Variants in DNAJB14 observed in about 807,000 individuals in gnomAD.
The protein encoded by DNAJB14 is DnaJ heat shock protein family (Hsp40) member B14.
DNAJB14 carries 22 observed loss-of-function variants against 48.4 expected under a neutral mutation model. That is an observed-to-expected ratio of 0.45 (90% CI 0.32 to 0.65). The LOEUF (loss-of-function observed/expected upper bound fraction) is 0.65, where lower values mean the gene tolerates loss of function less well. Ranked by LOEUF, DNAJB14 falls within the 30% of genes least tolerant of loss-of-function variation. DNAJB14 has a pLI of 0.03. For synonymous variants in DNAJB14, 142 were observed against 158.7 expected (o/e 0.89, Z 0.79); for missense variants, 319 against 458.8 (o/e 0.70, Z 2.78).
rs1415099398 is a variant in DNAJB14, at chr4:99,900,491, A to G, written c.*537T>C. On this transcript the variant is annotated 3_prime_UTR_variant, in exon 8 of 8. Transcript: ENST00000442697. ...TAAGCTGATAATACTATAAGATTTT[A>G]CACAAAGTTAAAGTTTTTGTTTTTT... 6.6e-6 allele frequency: 1 copy of G among 152,122 alleles called. No individual in the cohort carries two copies. Among genetic ancestry groups the G allele is most frequent in the African/African-American group, 2.4e-5 (1 of 41,446 alleles). The allele number at this position is 152,122 out of a possible 1,614,324, so 9.4% of individuals were successfully genotyped here. A position where few individuals can be genotyped will look rare whatever the true frequency, so the allele number is the denominator to read the frequency against.
intron 1 of DNAJB14, among the ~76,000 whole-genome samples, chr4:99,935,003 C>G (rs1289826473): frequency 6.7e-6 from 1 of 149,536 alleles, no homozygotes; most frequent in Admixed American, 6.6e-5. Context: ...TTTAAAAAGT[C>G]AAAAAGACAA....
intron 1 of DNAJB14, among the ~76,000 whole-genome samples, chr4:99,944,869 G>A (rs1434008944): frequency 1.3e-5 from 2 of 152,058 alleles, no homozygotes; most frequent in Non-Finnish European, 2.9e-5. Flanking sequence ...GAGCCACCGC[G>A]CCCAGCCTAA....
At chr4:99,917,891 T>C (rs1725912152) in intron 3 of DNAJB14, among the ~76,000 whole-genome samples, 1 of 152,178 alleles carries the variant, frequency 6.6e-6, no homozygotes, top group Non-Finnish European at 1.5e-5. Flanking sequence ...ATTTCTCTTT[T>C]GCTGTTTTCA....
At chr4:99,912,523 T>C (rs1725700615) in intron 3 of DNAJB14, among the ~76,000 whole-genome samples, 1 of 152,062 alleles carries the variant, frequency 6.6e-6, no homozygotes, top group Non-Finnish European at 1.5e-5. Context: ...CTTGTTGTCC[T>C]GGCTGGAGCG....
At chr4:99,932,443 A>AC (rs1726510765) in intron 1 of DNAJB14, among the ~76,000 whole-genome samples, 1 of 152,158 alleles carries the variant, frequency 6.6e-6, no homozygotes, top group Non-Finnish European at 1.5e-5. Flanking sequence ...TAGGGAAATA[A>AC]AAATCAAAAC....
intron 2 of DNAJB14, chr4:99,924,690 T>C: frequency 1.3e-6 from 2 of 1,595,884 alleles, no homozygotes. Context: ...TAGAGACTCA[T>C]TCTCCTAGAA....
At chr4:99,906,331 A>G (rs1327959702) in intron 5 of DNAJB14, among the ~76,000 whole-genome samples, 186 bp downstream of exon 5, 3 of 152,116 alleles carry the variant, frequency 2.0e-5, no homozygotes, top group Non-Finnish European at 4.4e-5. Flanking sequence ...ATACTATCCA[A>G]CCACCCCTGG....
At position 99,899,948 on chromosome 4, in the gene DNAJB14, A is replaced by G. The variant is rs1195692421; in HGVS notation, c.*1080T>C. On this transcript the variant is annotated 3_prime_UTR_variant, in exon 8 of 8. Coordinates refer to ENST00000442697, the MANE Select transcript of DNAJB14 (RefSeq NM_001031723.4). ...AAGTTACTATTCTACGTGCTGCTCTATTTCTGCTCACACTTGCATGTGGCC... is the reference window on the plus strand; with the variant it reads ...AAGTTACTATTCTACGTGCTGCTCTGTTTCTGCTCACACTTGCATGTGGCC... 6.6e-6 allele frequency: 1 copy of G among 152,402 alleles called. No individual in the cohort carries two copies. Among genetic ancestry groups the G allele is most frequent in the African/African-American group, 2.4e-5 (1 of 41,430 alleles). 9.4% of individuals were successfully genotyped at this position (152,402 alleles called of 1,614,324 possible). A position where few individuals can be genotyped will look rare whatever the true frequency, so the allele number is the denominator to read the frequency against.
chr4:99,915,658 C>T lies in DNAJB14; in HGVS notation c.452-6762G>A, dbSNP rs552773410. Among the ~76,000 whole-genome samples the T allele has an allele frequency of 2.0e-5, 3 of 152,272 alleles. No individual in the cohort carries two copies. The South Asian group carries it at 6.2e-4, about 32-fold the overall frequency. On this transcript the variant is annotated intron_variant, in intron 3 of 7. Transcript: ENST00000442697. ...TCTTATGAATCAGGATATGGTCTCT[C>T]TTCCTGTGTGTTCTGTGGGCACTTG...
chr4:99,930,704 A>G, intron 1 of DNAJB14, 83 bp from the exon 2 acceptor site: 4 of 1,413,282 alleles, frequency 2.8e-6, no homozygotes, highest in Non-Finnish European at 3.8e-6. Flanking sequence ...AAAGCAGACA[A>G]ATTATGAAGT....
Position 99,916,617 on chromosome 4 carries a change from A to G in DNAJB14, c.451+6423T>C, listed in dbSNP as rs1725864876. 7.9e-5 allele frequency among the ~76,000 whole-genome samples: 12 copies of G among 151,890 alleles called. No individual in the cohort carries two copies. The South Asian group carries it at 2.5e-3, about 32-fold the overall frequency. ...CATCCTGTGAGTTAGTTTCTTGAACATTTTTTAGAATTCCATTTTGACTTA... is the reference window on the plus strand; with the variant it reads ...CATCCTGTGAGTTAGTTTCTTGAACGTTTTTTAGAATTCCATTTTGACTTA... On this transcript the variant is annotated intron_variant, in intron 3 of 7. Transcript: ENST00000442697.
At chr4:99,917,580 C>G (rs966238785) in intron 3 of DNAJB14, among the ~76,000 whole-genome samples, 1 of 152,182 alleles carries the variant, frequency 6.6e-6, no homozygotes, top group Non-Finnish European at 1.5e-5. Context: ...CATGTTCTTT[C>G]TCTCCTCTTG....
intron 1 of DNAJB14, among the ~76,000 whole-genome samples, chr4:99,938,108 A>C (rs1408693051): frequency 7.0e-6 from 1 of 143,660 alleles, no homozygotes; most frequent in Non-Finnish European, 1.5e-5. Context: ...AAAAAAAAAA[A>C]AAAAAAAAAA....
intron 7 of DNAJB14, among the ~76,000 whole-genome samples, chr4:99,902,185 A>T (rs1176198913): frequency 6.6e-6 from 1 of 152,108 alleles, no homozygotes; most frequent in Non-Finnish European, 1.5e-5. Flanking sequence ...CAACTCTCCA[A>T]TGCCTAGCCT....
chr4:99,903,988 T>A, intron 6 of DNAJB14, 90 bp from the exon 7 acceptor site: 1 of 1,360,344 alleles, frequency 7.4e-7, no homozygotes, highest in East Asian at 2.4e-5. Context: ...TTAAAAATCA[T>A]TGAAAAGTTA....
At chr4:99,915,429 G>A (rs778690932) in intron 3 of DNAJB14, among the ~76,000 whole-genome samples, 26 of 152,164 alleles carry the variant, frequency 1.7e-4, no homozygotes, top group Non-Finnish European at 3.2e-4. Flanking sequence ...GAGCCACTGT[G>A]CCTGGCCAAG....
intron 1 of DNAJB14, among the ~76,000 whole-genome samples, chr4:99,940,395 C>A (rs916494145): frequency 6.6e-6 from 1 of 152,016 alleles, no homozygotes; most frequent in Non-Finnish European, 1.5e-5. Context: ...GAGTTTGAAA[C>A]CAGCCTGGTC....
At chr4:99,943,299 C>T (rs536880355) in intron 1 of DNAJB14, among the ~76,000 whole-genome samples, 12 of 152,316 alleles carry the variant, frequency 7.9e-5, no homozygotes, top group Admixed American at 5.9e-4. Context: ...TAATCACATA[C>T]TGCCTTACAT....
intron 2 of DNAJB14, chr4:99,925,687 A>C (rs1285079406): frequency 6.6e-6 from 1 of 152,174 alleles, no homozygotes. Flanking sequence ...AGTCAAAATC[A>C]CATTAAATTT....
Sources: allele counts gnomAD v4.1 joint callset (sites outside exome capture counted in the v4.1 genomes callset), GRCh38; gene constraint gnomAD v4.1.1; transcripts MANE v1.5; gene names NCBI Gene and HGNC (gene_info 2026-07-23, HGNC 2026-07-21).